Variants in RPS6KA2 observed in about 807,000 individuals in gnomAD.
RPS6KA2 encodes the protein ribosomal protein S6 kinase alpha-2.
A neutral mutation model predicts 91.8 loss-of-function variants in RPS6KA2; 42 were observed. The observed-to-expected ratio is 0.46, with a 90% CI of 0.36 to 0.59. The LOEUF (loss-of-function observed/expected upper bound fraction) is 0.59, where lower values mean the gene tolerates loss of function less well. RPS6KA2 is among the 20% of genes least tolerant of loss of function. RPS6KA2 has a pLI of 0.00. For missense variants in RPS6KA2, 798 were observed against 978.5 expected, an observed-to-expected ratio of 0.82 and a Z score of 2.46; for synonymous variants, 414 against 393.6, an observed-to-expected ratio of 1.05 and a Z score of -0.61.
rs17519390 is a variant in RPS6KA2, at chr6:166,796,736, G to A, written c.123+61464C>T. ...ACTCCTTTCAGTTGCTCAAAACTACGCAGTCCTGAGTGCGACTGCACAGTC... is the reference window on the plus strand; with the variant it reads ...ACTCCTTTCAGTTGCTCAAAACTACACAGTCCTGAGTGCGACTGCACAGTC... On this transcript the variant is annotated intron_variant, in intron 2 of 21. Transcript: ENST00000503859. Among the ~76,000 whole-genome samples, 1,016 of 152,208 alleles carry A rather than the reference G, an allele frequency of 6.7e-3. 5 individuals are homozygous for A. Among genetic ancestry groups the A allele is most frequent in the Non-Finnish European group, 0.01 (685 of 68,016 alleles).
Position 166,510,367 on chromosome 6 carries a change from A to T in RPS6KA2, c.299-10T>A. On this transcript the variant is annotated splice_polypyrimidine_tract_variant and intron_variant, in intron 3 of 20. Transcript: ENST00000265678. ...CTCACTCGGTCCCGAACTGCAAAGT[A>T]AAAAGATAAAGGCTTTCATGAGGCA... The T allele has an allele frequency of 8.9e-6, 14 of 1,568,836 alleles. No individual in the cohort carries two copies. Among genetic ancestry groups the T allele is most frequent in the Non-Finnish European group, 1.1e-5 (13 of 1,149,228 alleles).
rs1038994443 is a variant in RPS6KA2 at position 166,726,906 on chromosome 6, T to A, written c.123+131294A>T. 5.9e-4 allele frequency among the ~76,000 whole-genome samples: 90 copies of A among 152,300 alleles called. 1 individual carries two copies. Among genetic ancestry groups the A allele is most frequent in the Admixed American group, 4.1e-3 (63 of 15,304 alleles). On this transcript the variant is annotated intron_variant, in intron 2 of 21. Coordinates refer to the RPS6KA2 transcript ENST00000503859. This position sits in a 1 kb window ranked among gnomAD's most constrained non-coding sequence, Gnocchi z 4.4. ...GGAATCTACCGTCCTGGGTGCTGTC[T>A]CCTCCACCACGTAAGCCAAACCTGA...
intron 12 of RPS6KA2, among the ~76,000 whole-genome samples, chr6:166,455,041 C>G (rs999113258): frequency 2.0e-5 from 3 of 151,578 alleles, no homozygotes; most frequent in Admixed American, 6.6e-5. Context: ...TTTAAGACTC[C>G]CTGTATGTAT....
At chr6:166,754,912 G>A (rs768681300) in intron 2 of RPS6KA2, among the ~76,000 whole-genome samples, 1 of 152,142 alleles carries the variant, frequency 6.6e-6, no homozygotes, top group Non-Finnish European at 1.5e-5. Flanking sequence ...CTCGTCACAG[G>A]GTGAACTTGG....
At chr6:166,477,666 G>T (rs1422763783) in intron 10 of RPS6KA2, among the ~76,000 whole-genome samples, 12 of 152,196 alleles carry the variant, frequency 7.9e-5, no homozygotes, top group Admixed American at 2.0e-4. Context: ...GTAATCTCAT[G>T]TTGGGAGGCC....
In RPS6KA2 at chr6:166,640,835, C is replaced by T. The variant is rs902705058; in HGVS notation, c.124-102051G>A. Among the ~76,000 whole-genome samples the T allele has an allele frequency of 1.3e-4, 20 of 152,082 alleles. No homozygotes were observed. In the East Asian group the frequency reaches 3.3e-3, roughly 25 times the overall value. ...AGGGTGTGGGGGGTCGGATCCGAGT[C>T]GGCATTCCCATAGAGCAGACTCAAC... On this transcript the variant is annotated intron_variant, in intron 2 of 21. Coordinates refer to the RPS6KA2 transcript ENST00000503859.
chr6:166,701,082 G>A, intron 2 of RPS6KA2: 1 of 1,593,504 alleles, frequency 6.3e-7, no homozygotes, highest in African/African-American at 1.3e-5. Context: ...GTGGTGGGCT[G>A]TTTCCTGAGC....
At chr6:166,473,435 G>A (rs1276665103) in intron 10 of RPS6KA2, among the ~76,000 whole-genome samples, 1 of 152,142 alleles carries the variant, frequency 6.6e-6, no homozygotes, top group East Asian at 1.9e-4. Context: ...CAAGTGATCT[G>A]CCTGCCTGGG....
intron 2 of RPS6KA2, among the ~76,000 whole-genome samples, chr6:166,750,150 C>T (rs1197010548): frequency 6.6e-6 from 1 of 152,204 alleles, no homozygotes; most frequent in Non-Finnish European, 1.5e-5. Context: ...CTCTGTGCTA[C>T]TGTGAAGGGC....
intron 3 of RPS6KA2, among the ~76,000 whole-genome samples, chr6:166,518,917 T>C (rs566927589): frequency 6.6e-6 from 1 of 152,368 alleles, no homozygotes; most frequent in South Asian, 2.1e-4. Context: ...CTAGCTTTGC[T>C]GGGCAGAGCT....
intron 1 of RPS6KA2, chr6:166,586,166 A>G: frequency 1.3e-6 from 2 of 1,566,390 alleles, no homozygotes; most frequent in Non-Finnish European, 1.7e-6. Context: ...CATAATGTCC[A>G]TATTGCTGGG....
At chr6:166,475,456 T>A (rs563764588) in intron 10 of RPS6KA2, among the ~76,000 whole-genome samples, 1 of 152,242 alleles carries the variant, frequency 6.6e-6, no homozygotes, top group South Asian at 2.1e-4. Context: ...CTCCCACTAC[T>A]CTGCACGTGA....
chr6:166,725,729 C>T (rs963349922), intron 2 of RPS6KA2, among the ~76,000 whole-genome samples: 9 of 152,350 alleles, frequency 5.9e-5, no homozygotes, highest in Admixed American at 2.6e-4. Flanking sequence ...AGTGAAGCTC[C>T]GAGTTTCTGC....
At chr6:166,610,615 GT>G in intron 1 of RPS6KA2, among the ~76,000 whole-genome samples, 1 of 152,140 alleles carries the variant, frequency 6.6e-6, no homozygotes, top group Non-Finnish European at 1.5e-5. Flanking sequence ...CTTCTCCGTT[GT>G]TTCCTATATT....
At chr6:166,707,088 G>T (rs1789700079) in intron 2 of RPS6KA2, among the ~76,000 whole-genome samples, 1 of 152,250 alleles carries the variant, frequency 6.6e-6, no homozygotes, top group African/African-American at 2.4e-5. Flanking sequence ...CAGCAAACTT[G>T]AGAGTAAAGG....
chr6:166,609,506 ATT>A (rs72047171), intron 1 of RPS6KA2, among the ~76,000 whole-genome samples: 5,731 of 140,294 alleles, frequency 0.041, 178 homozygotes, highest in African/African-American at 0.093. Flanking sequence ...CAAAAGTTTA[ATT>A]TTTTTTTTTT....
Position 166,626,809 on chromosome 6 carries a change from C to A in RPS6KA2, c.99+112G>T. 3 of 886,450 alleles carry A rather than the reference C, an allele frequency of 3.4e-6. No individual in the cohort carries two copies. The highest frequency in any genetic ancestry group is 1.7e-5 in the African/African-American group (1 of 57,262). 54.9% of individuals were successfully genotyped at this position (886,450 alleles called of 1,614,324 possible). On this transcript the variant is annotated intron_variant, in intron 1 of 20. Coordinates refer to ENST00000265678, the MANE Select transcript of RPS6KA2 (RefSeq NM_021135.6). The surrounding 1 kb of genome is among the most constrained non-coding windows in gnomAD (Gnocchi z 4.1). Reference sequence around the variant, plus strand: ...CGGAACCGGACCAGCTTTCCAGTAACTTGAACTCCCTGACGGGTCTCGGGG... The same window carrying A: ...CGGAACCGGACCAGCTTTCCAGTAAATTGAACTCCCTGACGGGTCTCGGGG...
At chr6:166,795,461 C>A (rs1370524584) in intron 2 of RPS6KA2, among the ~76,000 whole-genome samples, 1 of 152,202 alleles carries the variant, frequency 6.6e-6, no homozygotes, top group East Asian at 1.9e-4. Context: ...ATTAAAGAGC[C>A]AGTGCCCAGC....
chr6:166,656,667 G>A (rs1378117333), intron 2 of RPS6KA2, among the ~76,000 whole-genome samples: 1 of 152,234 alleles, frequency 6.6e-6, no homozygotes, highest in Non-Finnish European at 1.5e-5. Flanking sequence ...AGCTGAGGTC[G>A]CATTCATCCA....
Sources: allele counts gnomAD v4.1 joint callset (sites outside exome capture counted in the v4.1 genomes callset), GRCh38; gene constraint gnomAD v4.1.1; non-coding constraint Gnocchi (gnomAD v3.1); transcripts MANE v1.5; gene names NCBI Gene and HGNC (gene_info 2026-07-23, HGNC 2026-07-21).